Variants in TMCC2 observed in about 807,000 individuals in gnomAD.
TMCC2 encodes transmembrane and coiled-coil domain family 2, also known as transmembrane and coiled-coil domains protein 2.
Under a neutral mutation model 49.4 loss-of-function variants are expected in TMCC2, and 16 were observed. The observed-to-expected ratio is 0.32, with a 90% CI of 0.22 to 0.49. The LOEUF (loss-of-function observed/expected upper bound fraction) is 0.49, where lower values mean the gene tolerates loss of function less well. Among genes scored for constraint, TMCC2 ranks in the 20% least tolerant of loss-of-function variants. The pLI is 0.99. For missense variants in TMCC2, 762 were observed against 989.8 expected, an observed-to-expected ratio of 0.77 and a Z score of 3.09; for synonymous variants, 397 against 434.1, an observed-to-expected ratio of 0.91 and a Z score of 1.06.
intron 2 of TMCC2, among the ~76,000 whole-genome samples, chr1:205,259,309 T>G (rs1661008764): frequency 6.7e-6 from 1 of 149,224 alleles, no homozygotes; most frequent in African/African-American, 2.5e-5. Context: ...CCCTAACGGG[T>G]TCTTTGCGAG....
chr1:205,233,409 C>T (rs1659889012), intron 1 of TMCC2, among the ~76,000 whole-genome samples: 1 of 152,214 alleles, frequency 6.6e-6, no homozygotes, highest in Non-Finnish European at 1.5e-5. Context: ...ATACACTGGT[C>T]TTCCTGCCTA....
intron 2 of TMCC2, among the ~76,000 whole-genome samples, chr1:205,258,013 A>G (rs1254068726): frequency 1.3e-5 from 2 of 152,134 alleles, no homozygotes; most frequent in Non-Finnish European, 2.9e-5. Flanking sequence ...GGGTGGCCCT[A>G]ATGGAAGGGG....
chr1:205,271,087 C>T (rs759879967), intron 3 of TMCC2, 33 bp from the exon 4 acceptor site: 1 of 1,609,150 alleles, frequency 6.2e-7, no homozygotes, highest in Non-Finnish European at 8.5e-7. Context: ...CTCGGGGAGC[C>T]AGGACTGGTG....
intron 1 of TMCC2, among the ~76,000 whole-genome samples, chr1:205,239,876 C>T (rs1210123611): frequency 6.6e-6 from 1 of 152,026 alleles, no homozygotes; most frequent in Non-Finnish European, 1.5e-5. Context: ...TGTAAAGTAA[C>T]CTAAGAGTGG....
rs1042645533 is a variant in TMCC2, at chr1:205,272,953, G to A, written c.*829G>A. On this transcript the variant is annotated 3_prime_UTR_variant, in exon 5 of 5. Transcript: ENST00000358024. ...GTGTCTTCCCTGCTGAGTACCAGGA[G>A]AGGTCCTGCCCCATCCTCTCTCTGA... is the stretch of plus-strand genomic sequence containing the variant. The A allele has an allele frequency of 1.3e-5, 2 of 152,452 alleles. No individual in the cohort carries two copies. The highest frequency in any genetic ancestry group is 2.9e-5 in the Non-Finnish European group (2 of 68,120). 9.4% of individuals were successfully genotyped at this position (152,452 alleles called of 1,614,324 possible).
chr1:205,237,603 G>T (rs1371058286), intron 1 of TMCC2, among the ~76,000 whole-genome samples: 1 of 152,238 alleles, frequency 6.6e-6, no homozygotes, highest in East Asian at 1.9e-4. Flanking sequence ...TAACCAGATG[G>T]TGCCAATGAC....
At chr1:205,256,207 G>A in intron 2 of TMCC2, 1 of 1,476,302 alleles carries the variant, frequency 6.8e-7, no homozygotes, top group South Asian at 1.4e-5. Flanking sequence ...ACTCAAGTGG[G>A]TGCAGAATCC....
chr1:205,230,583 G>A (rs908278540), intron 1 of TMCC2, among the ~76,000 whole-genome samples: 1 of 152,204 alleles, frequency 6.6e-6, no homozygotes, highest in Admixed American at 6.5e-5. Flanking sequence ...CGGTCCAGAT[G>A]AGTCTGGCCA....
chr1:205,263,073 C>T (rs567224019), intron 2 of TMCC2, among the ~76,000 whole-genome samples: 50 of 152,194 alleles, frequency 3.3e-4, no homozygotes, highest in African/African-American at 1.1e-3. Context: ...AAGCACCCCC[C>T]ACCGCCTCCC....
intron 2 of TMCC2, among the ~76,000 whole-genome samples, chr1:205,244,438 G>A (rs1660383309): frequency 6.6e-6 from 1 of 152,190 alleles, no homozygotes; most frequent in African/African-American, 2.4e-5. Flanking sequence ...TATGGGGGAA[G>A]AAACCAAAGG....
chr1:205,249,507 A>G lies in TMCC2; in HGVS notation c.747+7463A>G, dbSNP rs1045731452. Among the ~76,000 whole-genome samples, 4 of 152,232 alleles carry G rather than the reference A, an allele frequency of 2.6e-5. No homozygotes were observed. The South Asian group carries it at 8.3e-4, about 32-fold the overall frequency. ...GAGAGGTTTCCAAACATGACCGCTC[A>G]GCCAGCCGGCCGTGGGGGCCCCTGG... On this transcript the variant is annotated intron_variant, in intron 2 of 4. Coordinates refer to ENST00000358024, the MANE Select transcript of TMCC2 (RefSeq NM_014858.4).
intron 4 of TMCC2, 85 bp downstream of exon 4, chr1:205,271,340 G>A: frequency 6.2e-7 from 1 of 1,605,720 alleles, no homozygotes; most frequent in Non-Finnish European, 8.5e-7. Flanking sequence ...GTCACGTGGG[G>A]CATGATAGAC....
chr1:205,243,261 G>A (rs1178069740), intron 2 of TMCC2, among the ~76,000 whole-genome samples: 1 of 152,226 alleles, frequency 6.6e-6, no homozygotes, highest in Non-Finnish European at 1.5e-5. Flanking sequence ...GTGGGCGACT[G>A]TAATCCCAGC....
chr1:205,233,447 G>A (rs1364246862), intron 1 of TMCC2, among the ~76,000 whole-genome samples: 2 of 152,204 alleles, frequency 1.3e-5, no homozygotes, highest in South Asian at 2.1e-4. Flanking sequence ...AAGATAATTC[G>A]AAGCCAGATA....
At chr1:205,230,703 T>C (rs1042908948) in intron 1 of TMCC2, among the ~76,000 whole-genome samples, 1 of 152,162 alleles carries the variant, frequency 6.6e-6, no homozygotes, top group African/African-American at 2.4e-5. Flanking sequence ...GCTTTCTCCA[T>C]TTATTCCCCC....
At chr1:205,244,457 T>C (rs898805540) in intron 2 of TMCC2, among the ~76,000 whole-genome samples, 2 of 152,090 alleles carry the variant, frequency 1.3e-5, no homozygotes, top group Admixed American at 1.3e-4. Context: ...GGTGCAAGTG[T>C]TTATTGAGAG....
intron 1 of TMCC2, 98 bp downstream of exon 1, chr1:205,228,869 C>T: frequency 6.8e-7 from 1 of 1,466,812 alleles, no homozygotes; most frequent in Non-Finnish European, 9.0e-7. Context: ...AGGGGGGAAG[C>T]CAGGCAAAGG....
rs1241476015 is a variant in TMCC2, at chr1:205,229,545, C to CGGGGGG, written c.207+782_207+787dup. 5.4e-5 allele frequency: 16 copies of CGGGGGG among 298,770 alleles called. No individual in the cohort carries two copies. In the African/African-American group the frequency reaches 1.2e-3, roughly 22 times the overall value. The allele number at this position is 298,770 out of a possible 1,614,324, so 18.5% of individuals were successfully genotyped here. A position where few individuals can be genotyped will look rare whatever the true frequency, so the allele number is the denominator to read the frequency against. ...CTCAGTTTGCCGATCTGTGAAGGGGCGGGGGGGGGGGGGTGGTGGCGGGGG... is the reference window on the plus strand; with the variant it reads ...CTCAGTTTGCCGATCTGTGAAGGGGCGGGGGGGGGGGGGGGGGGGTGGTGGCGGGGG... On this transcript the variant is annotated intron_variant, in intron 1 of 4. Coordinates refer to ENST00000358024, the MANE Select transcript of TMCC2 (RefSeq NM_014858.4).
At chr1:205,266,198 G>A (rs984406892) in intron 2 of TMCC2, among the ~76,000 whole-genome samples, 13 of 142,330 alleles carry the variant, frequency 9.1e-5, no homozygotes, top group Admixed American at 2.2e-4. Flanking sequence ...CCAAGATTGC[G>A]CCACTGCACT....
Sources: gnomAD v4.1 joint callset for allele counts (sites outside exome capture counted in the v4.1 genomes callset) on GRCh38, gnomAD v4.1.1 for gene constraint, MANE v1.5 for transcripts, NCBI Gene and HGNC (gene_info 2026-07-23, HGNC 2026-07-21) for gene names.